GRIK2: variants seen among roughly 807,000 people sequenced by gnomAD.
GRIK2 encodes the protein glutamate ionotropic receptor kainate type subunit 2, also known as glutamate receptor ionotropic, kainate 2.
A neutral mutation model predicts 100.3 loss-of-function variants in GRIK2; 32 were observed. The observed-to-expected ratio is 0.32, with a 90% CI of 0.24 to 0.43. The LOEUF (loss-of-function observed/expected upper bound fraction) is 0.43, where lower values mean the gene tolerates loss of function less well. Ranked by LOEUF, GRIK2 falls within the 20% of genes least tolerant of loss-of-function variation. The pLI is 1.00. For synonymous variants in GRIK2, 417 were observed against 389.4 expected, an observed-to-expected ratio of 1.07 and a Z score of -0.83; for missense variants, 843 against 1,114.9, an observed-to-expected ratio of 0.76 and a Z score of 3.47.
intron 2 of GRIK2, among the ~76,000 whole-genome samples, chr6:101,449,831 A>C (rs138216226): frequency 1.3e-5 from 2 of 151,832 alleles, no homozygotes; most frequent in East Asian, 3.9e-4. Flanking sequence ...TTTGACACAC[A>C]AAGGGAGAAA....
intron 7 of GRIK2, among the ~76,000 whole-genome samples, chr6:101,692,347 G>A (rs917508324): frequency 1.3e-5 from 2 of 152,018 alleles, no homozygotes; most frequent in Non-Finnish European, 2.9e-5. Context: ...ATAAAGAGTA[G>A]CAACATAATG....
At chr6:101,997,271 A>T (rs1348074759) in intron 14 of GRIK2, among the ~76,000 whole-genome samples, 1 of 151,974 alleles carries the variant, frequency 6.6e-6, no homozygotes, top group Non-Finnish European at 1.5e-5. Context: ...TAGTTTTAAA[A>T]ATTTTAATTA....
At chr6:101,746,215 TATAA>T (rs1356281657) in intron 7 of GRIK2, among the ~76,000 whole-genome samples, 1 of 152,216 alleles carries the variant, frequency 6.6e-6, no homozygotes, top group Non-Finnish European at 1.5e-5. Context: ...CATTTGGTGG[TATAA>T]ATACAGAATA....
intron 4 of GRIK2, among the ~76,000 whole-genome samples, chr6:101,654,311 C>G (rs1275441540): frequency 6.6e-6 from 1 of 152,060 alleles, no homozygotes; most frequent in Admixed American, 6.6e-5. Context: ...TTTTATTTTA[C>G]TTTTTTTCCC....
At chr6:101,913,253 T>C (rs1429078398) in intron 12 of GRIK2, among the ~76,000 whole-genome samples, 2 of 151,586 alleles carry the variant, frequency 1.3e-5, no homozygotes, top group Admixed American at 6.6e-5. Flanking sequence ...ATTAACTCTA[T>C]AATACCTCTA....
At position 101,724,277 on chromosome 6, in the gene GRIK2, C is replaced by A. The variant is rs73512706; in HGVS notation, c.951+37924C>A. On this transcript the variant is annotated intron_variant, in intron 7 of 16. Coordinates refer to ENST00000369134, the MANE Select transcript of GRIK2 (RefSeq NM_021956.5). Reference sequence around the variant, plus strand: ...GTGTGATGCTAAGGTGTGGAGTTTACGTTATCCCATCACCCAGATAGTAAA... The same window carrying A: ...GTGTGATGCTAAGGTGTGGAGTTTAAGTTATCCCATCACCCAGATAGTAAA... Among the ~76,000 whole-genome samples the A allele has an allele frequency of 8.7e-3, 1,317 of 151,716 alleles. 18 individuals carry two copies. Among genetic ancestry groups the A allele is most frequent in the African/African-American group, 0.03 (1,232 of 41,332 alleles).
At chr6:101,772,999 TGACCAAATCAAA>T (rs1778501437) in intron 7 of GRIK2, among the ~76,000 whole-genome samples, 1 of 152,098 alleles carries the variant, frequency 6.6e-6, no homozygotes, top group African/African-American at 2.4e-5. Flanking sequence ...TGTTGTTGAA[TGACCAAATCAAA>T]CTGTAATGCA....
At chr6:101,675,839 T>A (rs549373185) in intron 4 of GRIK2, among the ~76,000 whole-genome samples, 32 of 152,350 alleles carry the variant, frequency 2.1e-4, no homozygotes, top group African/African-American at 7.7e-4. Flanking sequence ...TAGCATTATT[T>A]TTTAAAATAA....
intron 7 of GRIK2, among the ~76,000 whole-genome samples, chr6:101,756,672 C>G (rs927855599): frequency 6.6e-6 from 1 of 152,030 alleles, no homozygotes; most frequent in Admixed American, 6.6e-5. Context: ...TTCAAGCGCT[C>G]TCTGAAAATA....
chr6:101,800,161 AAGTATAGTTATTCAGAT>A (rs1231626975), intron 8 of GRIK2, among the ~76,000 whole-genome samples: 1 of 152,050 alleles, frequency 6.6e-6, no homozygotes, highest in African/African-American at 2.4e-5. Flanking sequence ...GTGAGGCTTC[AAGTATAGTTATTCAGAT>A]TAATTGTTCC....
At chr6:101,679,529 C>G (rs1450875191) in intron 5 of GRIK2, among the ~76,000 whole-genome samples, 1 of 151,974 alleles carries the variant, frequency 6.6e-6, no homozygotes, top group Non-Finnish European at 1.5e-5. Flanking sequence ...TTTATTCTCT[C>G]TAATATGTTT....
intron 7 of GRIK2, among the ~76,000 whole-genome samples, chr6:101,690,090 G>A (rs1057081558): frequency 8.5e-5 from 13 of 152,092 alleles, no homozygotes; most frequent in Non-Finnish European, 1.9e-4. Context: ...TTCAGGTAAA[G>A]ACAAACACCT....
At chr6:101,418,479 C>G (rs1393731518) in intron 2 of GRIK2, among the ~76,000 whole-genome samples, 1 of 152,098 alleles carries the variant, frequency 6.6e-6, no homozygotes, top group Non-Finnish European at 1.5e-5. Context: ...AACCAGAATA[C>G]TGCTCTACAG....
At chr6:101,907,315 G>A (rs1488598329) in intron 12 of GRIK2, among the ~76,000 whole-genome samples, 1 of 151,612 alleles carries the variant, frequency 6.6e-6, no homozygotes, top group Non-Finnish European at 1.5e-5. Flanking sequence ...ACTTAATTGT[G>A]TGATTAAAAA....
intron 2 of GRIK2, among the ~76,000 whole-genome samples, chr6:101,493,074 A>C (rs1267657035): frequency 1.3e-5 from 2 of 152,008 alleles, no homozygotes; most frequent in Admixed American, 6.6e-5. Context: ...TAGTGAACTT[A>C]AAGATCTAAG....
chr6:101,456,009 G>A (rs957115201), intron 2 of GRIK2, among the ~76,000 whole-genome samples: 4 of 151,676 alleles, frequency 2.6e-5, no homozygotes, highest in Admixed American at 2.6e-4. Context: ...AACATGGCAT[G>A]TTTGATTCAT....
intron 9 of GRIK2, among the ~76,000 whole-genome samples, chr6:101,804,195 A>G (rs560159310): frequency 2.6e-5 from 4 of 152,136 alleles, no homozygotes; most frequent in Middle Eastern, 3.4e-3. Flanking sequence ...TGAATTATTG[A>G]TTGTTAGAAA....
intron 7 of GRIK2, among the ~76,000 whole-genome samples, chr6:101,693,485 T>A (rs1376307932): frequency 3.3e-5 from 5 of 151,610 alleles, no homozygotes; most frequent in African/African-American, 1.2e-4. Flanking sequence ...GTCTGGGACC[T>A]CTGACAGAAG....
At chr6:101,633,669 A>C (rs887687137) in intron 4 of GRIK2, among the ~76,000 whole-genome samples, 1 of 152,198 alleles carries the variant, frequency 6.6e-6, no homozygotes, top group African/African-American at 2.4e-5. Flanking sequence ...TAAAAATAAG[A>C]TAAAATAATC....
Sources: allele counts gnomAD v4.1 joint callset (sites outside exome capture counted in the v4.1 genomes callset), GRCh38; gene constraint gnomAD v4.1.1; transcripts MANE v1.5; gene names NCBI Gene and HGNC (gene_info 2026-07-23, HGNC 2026-07-21).